GASK1A: variants seen among roughly 807,000 people sequenced by gnomAD.
The protein encoded by GASK1A is Golgi-associated kinase 1A.
In GASK1A, 40 loss-of-function variants were observed where a neutral mutation model predicts 41.2. The observed-to-expected ratio is 0.97, with a 90% CI of 0.75 to 1.27. The LOEUF is 1.27. Ranked by LOEUF, GASK1A falls within the 50% of genes most tolerant of loss-of-function variation. The probability of loss-of-function intolerance (pLI) is 0.00; values close to 1 mark genes in which losing one functional copy is unlikely to be tolerated. For synonymous variants in GASK1A, 316 were observed against 307.1 expected (o/e 1.03, Z -0.30); for missense variants, 678 against 745.1 (o/e 0.91, Z 1.05).
intron 1 of GASK1A, among the ~76,000 whole-genome samples, chr3:43,021,923 A>C (rs1181218883): frequency 2.0e-5 from 3 of 152,218 alleles, no homozygotes; most frequent in African/African-American, 7.2e-5. Context: ...GTTGAGAGGT[A>C]GGGGCTTGAC....
chr3:43,037,812 A>G (rs998368808), intron 2 of GASK1A, among the ~76,000 whole-genome samples: 1 of 152,206 alleles, frequency 6.6e-6, no homozygotes, highest in Non-Finnish European at 1.5e-5. Context: ...ATAGCTTAAA[A>G]TATAATTTGT....
chr3:43,033,089 G>A lies in GASK1A; in HGVS notation c.826G>A (p.Glu276Lys), dbSNP rs774144965. ...GATGCTCCGTCTGTTGGCACAGGGG[G>A]AGGTGGTGGACAAAGCCAGGGTCCC... Reference protein sequence around the residue: ...VQMLRLLAQGEVVDKARVPAH... With the variant: ...VQMLRLLAQGKVVDKARVPAH... The change falls in exon 2 of 5, where the codon GAG becomes AAG. Residue 276 changes from glutamate to lysine, a missense_variant. Transcript: ENST00000430121. The A allele has an allele frequency of 4.5e-6, 7 of 1,551,622 alleles. No individual in the cohort carries two copies. The highest frequency in any genetic ancestry group is 8.7e-7 in the Non-Finnish European group (1 of 1,147,002).
chr3:43,041,385 C>G (rs548195094), intron 2 of GASK1A, among the ~76,000 whole-genome samples: 6 of 152,102 alleles, frequency 3.9e-5, no homozygotes, highest in African/African-American at 1.4e-4. Flanking sequence ...CTCCAGCACC[C>G]GTTGTTTCCT....
chr3:43,009,514 C>G (rs932750605), intron 1 of GASK1A, among the ~76,000 whole-genome samples: 12 of 152,202 alleles, frequency 7.9e-5, no homozygotes, highest in Admixed American at 5.9e-4. Context: ...AGGGCTTGGT[C>G]TCTGCAGGCT....
In GASK1A at chr3:43,033,028, G is replaced by T. The variant is rs778219994; in HGVS notation, c.765G>T (p.Gly255=). 9.0e-6 allele frequency: 14 copies of T among 1,551,600 alleles called. No homozygotes were observed. The highest frequency in any genetic ancestry group is 4.4e-6 in the Non-Finnish European group (5 of 1,147,014). ...ETLLSSSRTG[G]QAPPWLTDHD... is the part of the protein sequence containing the mutation. The stretch of plus-strand genomic sequence containing the variant: ...TGTTGAGCAGCTCGAGGACTGGTGG[G>T]CAGGCTCCCCCATGGCTGACAGACC... The change falls in exon 2 of 5, where the codon GGG becomes GGT. Residue 255 remains glycine (G), a synonymous_variant. Coordinates refer to ENST00000430121, the MANE Select transcript of GASK1A (RefSeq NM_001129908.3).
chr3:43,046,176 A>C (rs760510846), intron 2 of GASK1A, among the ~76,000 whole-genome samples: 11 of 152,220 alleles, frequency 7.2e-5, no homozygotes, highest in African/African-American at 2.7e-4. Context: ...TCAGAAGAAG[A>C]CAGGGAGATG....
intron 1 of GASK1A, among the ~76,000 whole-genome samples, chr3:43,028,471 C>T (rs1280984117): frequency 1.3e-5 from 2 of 152,066 alleles, no homozygotes; most frequent in African/African-American, 4.8e-5. Flanking sequence ...AGAACTAAGA[C>T]TAAATATGTA....
Position 43,021,379 on chromosome 3 carries a change from G to A in GASK1A, c.4-10888G>A, listed in dbSNP as rs79750798. On this transcript the variant is annotated intron_variant, in intron 1 of 4. Coordinates refer to ENST00000430121, the MANE Select transcript of GASK1A (RefSeq NM_001129908.3). ...AGCAGACAGTGAGAACTTTCTCACT[G>A]CCCAGGTGGCTTCCTCCTGGCTGAC... 2.3e-4 allele frequency among the ~76,000 whole-genome samples: 35 copies of A among 152,218 alleles called. No homozygotes were observed. In the East Asian group the frequency reaches 6.0e-3, roughly 26 times the overall value.
Position 42,979,533 on chromosome 3 carries a change from A to T in GASK1A, c.-110A>T, listed in dbSNP as rs1170896343. The T allele has an allele frequency of 2.1e-5, 24 of 1,168,468 alleles. No homozygotes were observed. Among genetic ancestry groups the T allele is most frequent in the Non-Finnish European group, 2.5e-5 (23 of 928,454 alleles). 72.4% of individuals were successfully genotyped at this position (1,168,468 alleles called of 1,614,324 possible). Reference sequence around the variant, plus strand: ...ACCCGCCCCAGCCGAGTAGCCGCGCATCCTGGGAAGCCTGGCGAGCCACGG... The same window carrying T: ...ACCCGCCCCAGCCGAGTAGCCGCGCTTCCTGGGAAGCCTGGCGAGCCACGG... On this transcript the variant is annotated 5_prime_UTR_variant, in exon 1 of 5. Coordinates refer to ENST00000430121, the MANE Select transcript of GASK1A (RefSeq NM_001129908.3).
intron 1 of GASK1A, among the ~76,000 whole-genome samples, chr3:43,004,521 A>G (rs2125677834): frequency 6.6e-6 from 1 of 152,330 alleles, no homozygotes; most frequent in South Asian, 2.1e-4. Context: ...GGATAGCTCA[A>G]CCACAGCTTC....
At chr3:42,981,433 G>A (rs1229145589) in intron 1 of GASK1A, among the ~76,000 whole-genome samples, 1 of 152,174 alleles carries the variant, frequency 6.6e-6, no homozygotes, top group Non-Finnish European at 1.5e-5. Flanking sequence ...GATTGGACTA[G>A]ATGTTATTCA....
intron 1 of GASK1A, among the ~76,000 whole-genome samples, chr3:42,997,439 G>GT (rs1491304956): frequency 1.2e-4 from 16 of 128,300 alleles, no homozygotes; most frequent in East Asian, 4.1e-4. Flanking sequence ...ACAGAGAGAG[G>GT]GGGGGGGGAT....
At chr3:43,049,922 C>G (rs590899) in intron 2 of GASK1A, among the ~76,000 whole-genome samples, 56,039 of 133,776 alleles carry the variant, frequency 0.42, 10,951 homozygotes, top group East Asian at 0.6. Context: ...ATATAAATCT[C>G]TCCCCCCCCA....
At chr3:43,001,169 A>T (rs886936747) in intron 1 of GASK1A, among the ~76,000 whole-genome samples, 2 of 152,194 alleles carry the variant, frequency 1.3e-5, no homozygotes, top group African/African-American at 4.8e-5. Context: ...TCACCTTGGC[A>T]GAACCCTGAG....
intron 3 of GASK1A, 58 bp from the exon 4 acceptor site, chr3:43,055,374 G>T: frequency 7.9e-7 from 1 of 1,269,996 alleles, no homozygotes. Flanking sequence ...AAGTCCATAG[G>T]TGCCAGCCGT....
chr3:43,042,525 A>T (rs1385057014), intron 2 of GASK1A, among the ~76,000 whole-genome samples: 1 of 152,036 alleles, frequency 6.6e-6, no homozygotes, highest in African/African-American at 2.4e-5. Context: ...TCAGGAATGG[A>T]TGTGTAATTT....
chr3:43,000,179 C>A (rs951012855), intron 1 of GASK1A, among the ~76,000 whole-genome samples: 2 of 152,208 alleles, frequency 1.3e-5, no homozygotes, highest in African/African-American at 4.8e-5. Flanking sequence ...TACCCATCAT[C>A]AGTTGGCCCA....
chr3:43,046,348 C>A (rs936193253), intron 2 of GASK1A, among the ~76,000 whole-genome samples: 1 of 152,214 alleles, frequency 6.6e-6, no homozygotes, highest in African/African-American at 2.4e-5. Context: ...AGCAAAGAAA[C>A]TGGCGGCATT....
chr3:43,000,444 A>C (rs530271723), intron 1 of GASK1A, among the ~76,000 whole-genome samples: 1 of 152,386 alleles, frequency 6.6e-6, no homozygotes, highest in East Asian at 1.9e-4. Context: ...CCTGGGCCAA[A>C]TCAGCAAGAT....
Sources: gnomAD v4.1 joint callset for allele counts (sites outside exome capture counted in the v4.1 genomes callset) on GRCh38, gnomAD v4.1.1 for gene constraint, MANE v1.5 for transcripts, NCBI Gene and HGNC (gene_info 2026-07-23, HGNC 2026-07-21) for gene names.